WDPCP: variants seen among roughly 807,000 people sequenced by gnomAD.
WDPCP encodes WD repeat-containing and planar cell polarity effector protein fritz homolog.
WDPCP carries 71 observed loss-of-function variants against 93.1 expected under a neutral mutation model. The observed-to-expected ratio is 0.76, with a 90% CI of 0.63 to 0.93. The LOEUF (loss-of-function observed/expected upper bound fraction) is 0.93. Ranked by LOEUF, WDPCP falls within the 40% of genes least tolerant of loss-of-function variation. The pLI is 0.00. For synonymous variants in WDPCP, 315 were observed against 315.0 expected, an observed-to-expected ratio of 1.00 and a Z score of 0.00; for missense variants, 844 against 887.4, an observed-to-expected ratio of 0.95 and a Z score of 0.62.
chr2:63,143,105 C>T (rs1671218813), intron 17 of WDPCP, among the ~76,000 whole-genome samples: 1 of 152,026 alleles, frequency 6.6e-6, no homozygotes, highest in Non-Finnish European at 1.5e-5. Context: ...GCACATGTCA[C>T]CGCAGGTGCC....
intron 9 of WDPCP, among the ~76,000 whole-genome samples, chr2:63,429,574 CAT>C (rs2105427121): frequency 6.6e-6 from 1 of 152,250 alleles, no homozygotes; most frequent in South Asian, 2.1e-4. Context: ...CGCCAACAAA[CAT>C]ATGAAAGAAT....
At chr2:63,498,840 A>G (rs1701379445) in intron 1 of WDPCP, among the ~76,000 whole-genome samples, 1 of 152,254 alleles carries the variant, frequency 6.6e-6, no homozygotes, top group Non-Finnish European at 1.5e-5. Flanking sequence ...AGGATAAATG[A>G]TAGCATGGCA....
chr2:63,775,727 A>G (rs1008294508), intron 2 of WDPCP, among the ~76,000 whole-genome samples: 9 of 152,252 alleles, frequency 5.9e-5, no homozygotes, highest in African/African-American at 2.2e-4. Context: ...ATAAATACAC[A>G]AACATTCAAA....
At chr2:63,711,534 A>T (rs1468496173) in intron 2 of WDPCP, 1 of 152,292 alleles carries the variant, frequency 6.6e-6, no homozygotes. Flanking sequence ...AGGTTGGAGG[A>T]TCGCTTCAGC....
intron 12 of WDPCP, among the ~76,000 whole-genome samples, chr2:63,333,504 C>T (rs757022557): frequency 3.9e-5 from 6 of 152,142 alleles, no homozygotes; most frequent in Non-Finnish European, 5.9e-5. Flanking sequence ...CTCTGAAGTC[C>T]GCTATCTGAG....
chr2:63,379,190 C>T (rs1692099620), intron 11 of WDPCP, among the ~76,000 whole-genome samples: 1 of 152,068 alleles, frequency 6.6e-6, no homozygotes, highest in African/African-American at 2.4e-5. Flanking sequence ...AAGACATGCT[C>T]ATGGGACTAG....
chr2:63,660,401 T>C (rs986779363), intron 2 of WDPCP, among the ~76,000 whole-genome samples: 1 of 152,114 alleles, frequency 6.6e-6, no homozygotes, highest in Non-Finnish European at 1.5e-5. Context: ...GAATTGCAAT[T>C]GGTAGTTGCA....
At position 63,301,299 on chromosome 2, in the gene WDPCP, A is replaced by G. The variant is rs1311841692; in HGVS notation, c.1812+11949T>C. 2.6e-5 allele frequency among the ~76,000 whole-genome samples: 4 copies of G among 152,312 alleles called. No individual in the cohort carries two copies. The East Asian group carries it at 7.7e-4, about 29-fold the overall frequency. On this transcript the variant is annotated intron_variant, in intron 13 of 17. Coordinates refer to ENST00000272321, the MANE Select transcript of WDPCP (RefSeq NM_015910.7). The stretch of plus-strand genomic sequence containing the variant: ...TTGATACTGTCCCATCAGCAGGAAA[A>G]TGGCCATTCAGTCTCTACGTTCTTT...
intron 14 of WDPCP, among the ~76,000 whole-genome samples, chr2:63,230,537 G>C (rs1174615475): frequency 1.3e-5 from 2 of 152,084 alleles, no homozygotes; most frequent in African/African-American, 4.8e-5. Context: ...GGTTGAACTA[G>C]TTTACAGTCC....
At chr2:63,305,346 C>T (rs1484120153) in intron 13 of WDPCP, among the ~76,000 whole-genome samples, 1 of 152,062 alleles carries the variant, frequency 6.6e-6, no homozygotes, top group African/African-American at 2.4e-5. Flanking sequence ...CAAGAGAGCT[C>T]CTGCTGGCAT....
chr2:63,264,618 C>A (rs1681947980), intron 13 of WDPCP, among the ~76,000 whole-genome samples: 1 of 152,066 alleles, frequency 6.6e-6, no homozygotes, highest in Admixed American at 6.5e-5. Flanking sequence ...AGAGAGATTG[C>A]AATACAATAA....
At position 63,382,662 on chromosome 2, in the gene WDPCP, A is replaced by T. The variant is rs534400868; in HGVS notation, c.1436-568T>A. Among the ~76,000 whole-genome samples, 8 of 151,942 alleles carry T rather than the reference A, an allele frequency of 5.3e-5. No individual in the cohort carries two copies. The South Asian group carries it at 1.7e-3, about 32-fold the overall frequency. On this transcript the variant is annotated intron_variant, in intron 10 of 17. Transcript: ENST00000272321. Reference sequence around the variant, plus strand: ...TACTGTAATTCTTTTTATTACTATCATCATCATCATCATTTAACTGGAATA... The same window carrying T: ...TACTGTAATTCTTTTTATTACTATCTTCATCATCATCATTTAACTGGAATA...
rs58717654 is a variant in WDPCP, at chr2:63,802,281, T to TAAAAAA, written n.308+11335_308+11340dup. ...GGCAACATTATGATACCCTCTCTCT[T>TAAAAAA]AAAAAAAAAAAAAAAAAAAAAAAAA... On this transcript the variant is annotated intron_variant and non_coding_transcript_variant, in intron 2 of 4. Coordinates refer to the WDPCP transcript ENST00000467687. Among the ~76,000 whole-genome samples, 286 of 54,378 alleles carry TAAAAAA rather than the reference T, an allele frequency of 5.3e-3. 58 individuals carry two copies. The highest frequency in any genetic ancestry group is 6.3e-3 in the Non-Finnish European group (182 of 28,764). 35.7% of individuals were successfully genotyped at this position (54,378 alleles called of 152,430 possible).
chr2:63,653,935 A>G (rs963142462), intron 2 of WDPCP, among the ~76,000 whole-genome samples: 4 of 151,974 alleles, frequency 2.6e-5, no homozygotes, highest in Admixed American at 6.6e-5. Flanking sequence ...ATTACTAGAC[A>G]TGCAAAGACA....
At chr2:63,295,013 G>C (rs1335492324) in intron 13 of WDPCP, among the ~76,000 whole-genome samples, 1 of 151,968 alleles carries the variant, frequency 6.6e-6, no homozygotes, top group African/African-American at 2.4e-5. Context: ...AACCAAAAAG[G>C]GTGTAGAGAA....
At chr2:63,386,500 CAACACACTTACTAGAATGGCTAAA>C (rs914944259) in intron 10 of WDPCP, among the ~76,000 whole-genome samples, 2 of 152,036 alleles carry the variant, frequency 1.3e-5, no homozygotes, top group Admixed American at 6.6e-5. Context: ...ATTAGTACCA[CAACACACTTACTAGAATGGCTAAA>C]ATTAAAATGA....
At chr2:63,827,937 C>G (rs971969103), upstream of WDPCP, 1 of 152,126 alleles carries the variant, frequency 6.6e-6, no homozygotes, top group African/African-American at 2.4e-5. Context: ...GACCTAATGG[C>G]TAAAATATGC....
At chr2:63,712,992 T>G (rs1669285683) in intron 2 of WDPCP, among the ~76,000 whole-genome samples, 1 of 152,138 alleles carries the variant, frequency 6.6e-6, no homozygotes, top group Admixed American at 6.5e-5. Context: ...CTAGCCAGGG[T>G]TCTCTAAGGA....
chr2:63,555,275 G>A (rs1438327442), intron 1 of WDPCP, among the ~76,000 whole-genome samples: 7 of 152,230 alleles, frequency 4.6e-5, no homozygotes, highest in African/African-American at 1.7e-4. Flanking sequence ...CTCCTCACTA[G>A]CTGGGGGGAC....
Sources: allele counts gnomAD v4.1 joint callset (sites outside exome capture counted in the v4.1 genomes callset), GRCh38; gene constraint gnomAD v4.1.1; transcripts MANE v1.5; gene names NCBI Gene and HGNC (gene_info 2026-07-23, HGNC 2026-07-21).